Variants in DDX60 observed in about 807,000 individuals in gnomAD.
DDX60 encodes probable ATP-dependent RNA helicase DDX60.
Under a neutral mutation model 212.8 loss-of-function variants are expected in DDX60, and 165 were observed. The observed-to-expected ratio is 0.78, with a 90% CI of 0.68 to 0.88. The LOEUF (loss-of-function observed/expected upper bound fraction) is 0.88. Among genes scored for constraint, DDX60 ranks in the 40% least tolerant of loss-of-function variants. DDX60 has a pLI of 0.00. For synonymous variants in DDX60, 703 were observed against 685.3 expected (o/e 1.03, Z -0.40); for missense variants, 1,905 against 2,003.9 (o/e 0.95, Z 0.94).
At chr4:168,324,410 A>G in the DDX60 span, among the ~76,000 whole-genome samples, 8 of 152,198 alleles carry the variant, frequency 5.3e-5, no homozygotes, top group Non-Finnish European at 1.0e-4. Context: ...AGAGGTTGTT[A>G]AAGCCTCTAC....
At chr4:168,273,518 T>C in intron 17 of DDX60, 120 bp from the exon 18 acceptor site, 6 of 1,174,448 alleles carry the variant, frequency 5.1e-6, no homozygotes, top group Non-Finnish European at 7.2e-6. Flanking sequence ...ACTAACCCCT[T>C]TCATCAACCC....
chr4:168,221,875 G>C lies in DDX60; in HGVS notation c.4831C>G (p.Leu1611Val). Residue 1611 changes from leucine (L) to valine (V), a missense_variant, in exon 36 of 38, where the codon CTA becomes GTA. Leu to Val is a conservative substitution (Grantham distance 32). Transcript: ENST00000393743. ...LRLETPNHVT[L>V]GTIGVNRSQA... ...GAGCGATTGACACCGATTGTGCCTAGAGTAACCTGAAAAAATACGATTATT... is the reference window on the plus strand; with the variant it reads ...GAGCGATTGACACCGATTGTGCCTACAGTAACCTGAAAAAATACGATTATT... 2 of 1,609,540 alleles carry C rather than the reference G, an allele frequency of 1.2e-6. No homozygotes were observed. Among genetic ancestry groups the C allele is most frequent in the Non-Finnish European group, 8.5e-7 (1 of 1,177,282 alleles).
intron 6 of DDX60, among the ~76,000 whole-genome samples, chr4:168,297,470 A>G (rs971086996): frequency 2.6e-5 from 4 of 152,186 alleles, no homozygotes; most frequent in African/African-American, 9.6e-5. Context: ...AATAAAGAAT[A>G]AGTTACAAGA....
At position 168,225,613 on chromosome 4, in the gene DDX60, TAA is replaced by T; in HGVS notation, c.4595_4596del (p.Ile1532AsnfsTer16). On this transcript the variant is annotated frameshift_variant, in exon 34 of 38. Transcript: ENST00000393743. LOFTEE classifies it high-confidence loss of function. ...CGTAGGAAAGTGGTAAAGTCCTCCA[TAA>T]TTTTCATGTTATATTCATCTAAAGC... The part of the protein sequence containing the change: ...SDALDEYNMK[I>X]MEDFTTFLRI... The T allele has an allele frequency of 6.2e-7, 1 of 1,611,958 alleles. No individual in the cohort carries two copies. Among genetic ancestry groups the T allele is most frequent in the East Asian group, 2.2e-5 (1 of 44,662 alleles).
chr4:168,269,442 C>CA (rs920742363), intron 19 of DDX60, among the ~76,000 whole-genome samples: 4 of 151,086 alleles, frequency 2.6e-5, no homozygotes, highest in East Asian at 1.9e-4. Flanking sequence ...ACTAAGAAAA[C>CA]AAAAAAAAAT....
At chr4:168,298,936 G>A (rs1318779196) in intron 6 of DDX60, among the ~76,000 whole-genome samples, 1 of 152,018 alleles carries the variant, frequency 6.6e-6, no homozygotes, top group Non-Finnish European at 1.5e-5. Flanking sequence ...GCCAAGGAGG[G>A]CAGATCATGA....
Position 168,216,921 on chromosome 4 carries a change from TA to T in DDX60, c.*11del, listed in dbSNP as rs763663491. On this transcript the variant is annotated 3_prime_UTR_variant, in exon 38 of 38. Coordinates refer to ENST00000393743, the MANE Select transcript of DDX60 (RefSeq NM_017631.6). ...TGGAATTATTTTTAAGTGGTTTGCA[TA>T]GACTTTGTTTTTAGACTTTGTTTAA... The T allele has an allele frequency of 1.9e-6, 3 of 1,560,262 alleles. No homozygotes were observed. The highest frequency in any genetic ancestry group is 2.6e-6 in the Non-Finnish European group (3 of 1,146,006).
chr4:168,276,939 C>T (rs1735366331), intron 14 of DDX60, among the ~76,000 whole-genome samples: 1 of 152,104 alleles, frequency 6.6e-6, no homozygotes, highest in Non-Finnish European at 1.5e-5. Flanking sequence ...GCAGCAGAAA[C>T]AATAGGAGGT....
chr4:168,307,485 C>T (rs537315464), intron 4 of DDX60, among the ~76,000 whole-genome samples: 1 of 152,080 alleles, frequency 6.6e-6, no homozygotes, highest in South Asian at 2.1e-4. Flanking sequence ...ACTATGTCAC[C>T]CAGGCTGAAG....
intron 19 of DDX60, among the ~76,000 whole-genome samples, 169 bp from the exon 20 acceptor site, chr4:168,269,138 G>A (rs1315008385): frequency 6.6e-6 from 1 of 152,138 alleles, no homozygotes; most frequent in Non-Finnish European, 1.5e-5. Context: ...TGCACCAACA[G>A]TTCTGCTTTA....
chr4:168,324,686 T>A, the DDX60 span, among the ~76,000 whole-genome samples: 1 of 152,198 alleles, frequency 6.6e-6, no homozygotes, highest in African/African-American at 2.4e-5. Context: ...GCCAAATAAT[T>A]TTCAGGAATT....
chr4:168,224,361 T>C lies in DDX60; in HGVS notation c.4706A>G (p.Asp1569Gly). 1 of 1,611,748 alleles carries C rather than the reference T, an allele frequency of 6.2e-7. No individual in the cohort carries two copies. The highest frequency in any genetic ancestry group is 1.3e-5 in the African/African-American group (1 of 74,906). Residue 1569 changes from aspartate to glycine, a missense_variant, in exon 35 of 38, where the codon GAC (aspartate) becomes GGC (glycine). Asp to Gly is a moderately conservative substitution (Grantham distance 94, BLOSUM62 -1). Coordinates refer to ENST00000393743, the MANE Select transcript of DDX60 (RefSeq NM_017631.6). The part of the protein sequence containing the change: ...KIKFTGKECE[D>G]SQLVSHLMSC... ...CATCAAATGAGATACGAGTTGAGAGTCTTCACATTCTTTACCTGTGAATTC... is the reference window on the plus strand; with the variant it reads ...CATCAAATGAGATACGAGTTGAGAGCCTTCACATTCTTTACCTGTGAATTC...
intron 30 of DDX60, among the ~76,000 whole-genome samples, chr4:168,242,976 A>C (rs1159045895): frequency 6.6e-6 from 1 of 152,176 alleles, no homozygotes; most frequent in African/African-American, 2.4e-5. Context: ...TGCTGTTCTC[A>C]TGATAACGAA....
At chr4:168,313,249 T>C (rs1445607682) in intron 1 of DDX60, among the ~76,000 whole-genome samples, 3 of 152,180 alleles carry the variant, frequency 2.0e-5, no homozygotes, top group Non-Finnish European at 4.4e-5. Flanking sequence ...TATGAAAGCA[T>C]GTTGGGGAAA....
intron 14 of DDX60, among the ~76,000 whole-genome samples, chr4:168,280,016 G>T (rs1728303682): frequency 6.6e-6 from 1 of 152,148 alleles, no homozygotes; most frequent in Non-Finnish European, 1.5e-5. Context: ...CACTTTGGGA[G>T]GCCGTGGCAG....
intron 30 of DDX60, among the ~76,000 whole-genome samples, chr4:168,242,488 C>A (rs993602763): frequency 6.6e-6 from 1 of 152,198 alleles, no homozygotes; most frequent in African/African-American, 2.4e-5. Context: ...ATCAGTGTGA[C>A]CTGGATGTGA....
At chr4:168,234,440 T>C (rs1466181403) in intron 33 of DDX60, among the ~76,000 whole-genome samples, 1 of 152,094 alleles carries the variant, frequency 6.6e-6, no homozygotes, top group Non-Finnish European at 1.5e-5. Flanking sequence ...TCTATTATGC[T>C]GTCAACTTAC....
At chr4:168,269,499 G>A (rs1229810343) in intron 19 of DDX60, among the ~76,000 whole-genome samples, 3 of 152,110 alleles carry the variant, frequency 2.0e-5, no homozygotes, top group Non-Finnish European at 2.9e-5. Context: ...TACTTCGGAG[G>A]CTGAGGCAGG....
chr4:168,237,331 G>T lies in DDX60; in HGVS notation c.4366C>A (p.Leu1456Ile). 6.3e-7 allele frequency: 1 copy of T among 1,591,360 alleles called. No homozygotes were observed. Among genetic ancestry groups the T allele is most frequent in the Non-Finnish European group, 8.6e-7 (1 of 1,169,358 alleles). The change falls in exon 32 of 38, where the codon CTT becomes ATT. Residue 1456 changes from leucine to isoleucine, a missense_variant. Leu to Ile is a conservative substitution (Grantham distance 5). Coordinates refer to ENST00000393743, the MANE Select transcript of DDX60 (RefSeq NM_017631.6). ...EPSNLVFVSF[L>I]VNGLFHDLCQ... ...AGATCATGGAAGAGTCCATTTACAA[G>T]AAAACTGACAAAAACAAGATTAGAA...
Sources: allele counts gnomAD v4.1 joint callset (sites outside exome capture counted in the v4.1 genomes callset), GRCh38; gene constraint gnomAD v4.1.1; transcripts MANE v1.5; gene names NCBI Gene and HGNC (gene_info 2026-07-23, HGNC 2026-07-21).